The following RSU1 variants were observed in gnomAD, a reference collection of about 807,000 sequenced individuals.
RSU1 encodes the protein rsu-1.
RSU1 carries 26 observed loss-of-function variants against 31.1 expected under a neutral mutation model. The observed-to-expected ratio is 0.84, with a 90% confidence interval of 0.61 to 1.16. The LOEUF (loss-of-function observed/expected upper bound fraction) is 1.16. Ranked by LOEUF, RSU1 falls within the 50% of genes most tolerant of loss-of-function variation. The pLI, the probability that RSU1 is intolerant of heterozygous loss-of-function variation, is 0.00. For synonymous variants in RSU1, 164 were observed against 136.3 expected (o/e 1.20, Z -1.41); for missense variants, 320 against 339.1 (o/e 0.94, Z 0.44).
intron 8 of RSU1, among the ~76,000 whole-genome samples, chr10:16,641,736 C>T (rs1834446204): frequency 6.6e-6 from 1 of 152,150 alleles, no homozygotes; most frequent in Admixed American, 6.5e-5. Context: ...TCTGCTACTA[C>T]CCAGGGATAT....
intron 3 of RSU1, among the ~76,000 whole-genome samples, chr10:16,765,965 C>G (rs1324315131): frequency 6.6e-6 from 1 of 152,202 alleles, no homozygotes; most frequent in East Asian, 1.9e-4. Flanking sequence ...TTCAAGACGA[C>G]CAATTGATAA....
Position 16,810,688 on chromosome 10 carries a change from T to C in RSU1, c.109+6285A>G, listed in dbSNP as rs61844019. ...CCAACGTTTCCAAGAAATAAAGATA[T>C]TGTTTTGCACTTGTTACACCATCAC... On this transcript the variant is annotated intron_variant, in intron 2 of 8. Transcript: ENST00000345264. Among the ~76,000 whole-genome samples the C allele has an allele frequency of 4.8e-3, 734 of 152,222 alleles. 5 individuals carry two copies. The highest frequency in any genetic ancestry group is 0.045 in the Middle Eastern group (13 of 292).
chr10:16,712,524 C>T (rs1332940912), intron 7 of RSU1, among the ~76,000 whole-genome samples: 1 of 152,002 alleles, frequency 6.6e-6, no homozygotes, highest in Non-Finnish European at 1.5e-5. Flanking sequence ...TACCATGGGG[C>T]TAACATAAGA....
intron 7 of RSU1, 75 bp from the exon 8 acceptor site, chr10:16,695,230 T>C: frequency 7.0e-7 from 1 of 1,426,326 alleles, no homozygotes; most frequent in Non-Finnish European, 9.5e-7. Context: ...TTCTCAGTAA[T>C]CACAGCCTAA....
chr10:16,697,481 T>C (rs1052528415), intron 7 of RSU1, among the ~76,000 whole-genome samples: 20 of 152,000 alleles, frequency 1.3e-4, no homozygotes, highest in African/African-American at 4.1e-4. Flanking sequence ...TTGGCCAACA[T>C]GGCAAAACCC....
At chr10:16,747,146 G>A (rs1836872536) in intron 7 of RSU1, among the ~76,000 whole-genome samples, 1 of 152,260 alleles carries the variant, frequency 6.6e-6, no homozygotes, top group South Asian at 2.1e-4. Context: ...GTCTGCCTGG[G>A]AGTCAGCCCG....
At chr10:16,610,581 C>G (rs1279166570) in intron 8 of RSU1, among the ~76,000 whole-genome samples, 1 of 152,156 alleles carries the variant, frequency 6.6e-6, no homozygotes, top group Non-Finnish European at 1.5e-5. Flanking sequence ...AATCTAATGC[C>G]TGATGATCCG....
intron 3 of RSU1, among the ~76,000 whole-genome samples, chr10:16,770,980 A>G (rs1837414300): frequency 1.4e-5 from 2 of 142,570 alleles, no homozygotes; most frequent in South Asian, 2.1e-4. Flanking sequence ...AAAAAAAAAA[A>G]GGAAGTTTTT....
chr10:16,601,976 A>G (rs1361612970), intron 8 of RSU1, among the ~76,000 whole-genome samples: 5 of 152,166 alleles, frequency 3.3e-5, no homozygotes, highest in Admixed American at 6.5e-5. Flanking sequence ...CCCATTGAAA[A>G]ATGAAAAAAT....
At chr10:16,804,783 CTG>C (rs1411275527) in intron 2 of RSU1, among the ~76,000 whole-genome samples, 13 of 152,128 alleles carry the variant, frequency 8.5e-5, no homozygotes, top group African/African-American at 3.1e-4. Flanking sequence ...TAGAGACAAA[CTG>C]TAACATTTCA....
At chr10:16,737,013 G>A (rs1411991361) in intron 7 of RSU1, among the ~76,000 whole-genome samples, 1 of 150,426 alleles carries the variant, frequency 6.6e-6, no homozygotes, top group Non-Finnish European at 1.5e-5. Flanking sequence ...GAAGCCAAAA[G>A]GGGGATGGTG....
intron 8 of RSU1, among the ~76,000 whole-genome samples, chr10:16,685,075 C>A (rs1406877958): frequency 6.6e-6 from 1 of 152,048 alleles, no homozygotes; most frequent in Non-Finnish European, 1.5e-5. Flanking sequence ...TGGCAAAACC[C>A]CATCTCTACT....
intron 3 of RSU1, among the ~76,000 whole-genome samples, chr10:16,778,558 G>C (rs761348546): frequency 6.6e-6 from 1 of 152,114 alleles, no homozygotes; most frequent in Admixed American, 6.5e-5. Context: ...AAAACACAAA[G>C]GAAGAGAAGG....
At chr10:16,730,098 A>G (rs1289490563) in intron 7 of RSU1, among the ~76,000 whole-genome samples, 1 of 152,156 alleles carries the variant, frequency 6.6e-6, no homozygotes, top group Non-Finnish European at 1.5e-5. Context: ...TTGTGTATAG[A>G]TGACAGCGAG....
At chr10:16,691,934 T>G (rs558339419) in intron 8 of RSU1, among the ~76,000 whole-genome samples, 1 of 152,172 alleles carries the variant, frequency 6.6e-6, no homozygotes, top group East Asian at 1.9e-4. Flanking sequence ...AAATGGGGTT[T>G]CACCATGTTG....
In RSU1 at chr10:16,695,108, T is replaced by A; in HGVS notation, c.646A>T (p.Asn216Tyr). ...GQKQVFKAEN[N>Y]PWVTPIADQF... ...TCTGCAATGGGGGTCACCCAGGGAT[T>A]GTTCTCTGCTTTGAATACCTGCTTC... Residue 216 changes from asparagine to tyrosine, a missense_variant, in exon 8 of 9, where the codon AAT becomes TAT. Coordinates refer to ENST00000345264, the MANE Select transcript of RSU1 (RefSeq NM_012425.4). The A allele has an allele frequency of 6.3e-7, 1 of 1,588,612 alleles. No individual in the cohort carries two copies. Among genetic ancestry groups the A allele is most frequent in the Non-Finnish European group, 8.6e-7 (1 of 1,166,360 alleles).
chr10:16,612,940 CTATT>C (rs1833917923), intron 8 of RSU1, among the ~76,000 whole-genome samples: 2 of 151,850 alleles, frequency 1.3e-5, no homozygotes, highest in Admixed American at 1.3e-4. Flanking sequence ...ATTTTCCTCT[CTATT>C]TATCTTCCAC....
intron 7 of RSU1, among the ~76,000 whole-genome samples, chr10:16,713,778 A>G (rs2131582629): frequency 6.6e-6 from 1 of 152,180 alleles, no homozygotes; most frequent in East Asian, 1.9e-4. Context: ...CCCTATGCTG[A>G]TATCTGAACA....
At chr10:16,799,642 C>T (rs368375665) in intron 2 of RSU1, among the ~76,000 whole-genome samples, 5 of 152,262 alleles carry the variant, frequency 3.3e-5, no homozygotes, top group African/African-American at 1.2e-4. Flanking sequence ...AAAAAAATCC[C>T]TCTGTGCTTC....
Sources: allele counts gnomAD v4.1 joint callset (sites outside exome capture counted in the v4.1 genomes callset), GRCh38; gene constraint gnomAD v4.1.1; transcripts MANE v1.5; gene names NCBI Gene and HGNC (gene_info 2026-07-23, HGNC 2026-07-21).